TDRP: variants seen among roughly 807,000 people sequenced by gnomAD.
TDRP encodes testis development-related protein.
Under a neutral mutation model 10.5 loss-of-function variants are expected in TDRP, and 12 were observed. The ratio of observed to expected loss-of-function variants is 1.15; its 90% CI spans 0.73 to 1.86. The LOEUF (loss-of-function observed/expected upper bound fraction) is 1.86. Among genes scored for constraint, TDRP ranks in the 40% most tolerant of loss-of-function variants. TDRP has a pLI of 0.00. For missense variants in TDRP, 353 were observed against 229.2 expected (o/e 1.54, Z -3.49); for synonymous variants, 139 against 95.4 (o/e 1.46, Z -2.67).
At chr8:513,753 A>G (rs1264383802) in intron 1 of TDRP, among the ~76,000 whole-genome samples, 2 of 152,204 alleles carry the variant, frequency 1.3e-5, no homozygotes, top group South Asian at 2.1e-4. Context: ...AATATGAAGT[A>G]GTCCACTAAA....
Position 492,473 on chromosome 8 carries a change from C to T in TDRP, c.484G>A (p.Ala162Thr), listed in dbSNP as rs201575717. The change falls in exon 3 of 3, where the codon GCG becomes ACG. Residue 162 changes from alanine to threonine, a missense_variant. By Grantham distance (58) the Ala-to-Thr change is moderately conservative. Coordinates refer to ENST00000324079, the MANE Select transcript of TDRP (RefSeq NM_001384899.1). The stretch of plus-strand genomic sequence containing the variant: ...CGGATGCTCACCAGCCTCCCTGCCG[C>T]GCGCAGGCTCCACCTGGAGCTGTTG... ...SANSSRWSLRAAGRLVSIRRQ... is the reference protein window; with the variant it reads ...SANSSRWSLRTAGRLVSIRRQ... The T allele has an allele frequency of 2.4e-4, 390 of 1,606,244 alleles. No individual in the cohort carries two copies. The highest frequency in any genetic ancestry group is 5.2e-4 in the African/African-American group (39 of 74,900).
At chr8:525,833 G>A (rs924983351) in intron 1 of TDRP, among the ~76,000 whole-genome samples, 8 of 152,162 alleles carry the variant, frequency 5.3e-5, no homozygotes, top group African/African-American at 1.7e-4. Context: ...CAATAACACT[G>A]AATGTAAATG....
rs1303603080 is a variant in TDRP, at chr8:493,990, G to GTTTT, written c.212+503_212+504insAAAA. On this transcript the variant is annotated intron_variant, in intron 2 of 2. Transcript: ENST00000324079. ...TCATCGAACACCACAACTCATTTCT[G>GTTTT]TTGTTTTTTTTTTTTTTTTTTTTGA... Among the ~76,000 whole-genome samples, 18 of 80,024 alleles carry GTTTT rather than the reference G, an allele frequency of 2.2e-4. 1 individual carries two copies. Among genetic ancestry groups the GTTTT allele is most frequent in the African/African-American group, 4.9e-4 (9 of 18,482 alleles). The allele number at this position is 80,024 out of a possible 152,430, so 52.5% of individuals were successfully genotyped here.
intron 1 of TDRP, among the ~76,000 whole-genome samples, chr8:532,019 A>G (rs779045274): frequency 1.3e-4 from 20 of 152,332 alleles, no homozygotes; most frequent in East Asian, 1.9e-4. Flanking sequence ...AACAAAAGAC[A>G]TGGTTTATAT....
At position 490,442 on chromosome 8, in the gene TDRP, C is replaced by G. The variant is rs192706895; in HGVS notation, c.*1957G>C. The stretch of plus-strand genomic sequence containing the variant: ...GGCACTTAGCGTTCCAACAGAGGCA[C>G]GGCAACTGCAGCCATCACAGCCACA... On this transcript the variant is annotated 3_prime_UTR_variant, in exon 3 of 3. Coordinates refer to ENST00000324079, the MANE Select transcript of TDRP (RefSeq NM_001384899.1). The G allele has an allele frequency of 4.6e-5, 7 of 152,204 alleles. No individual in the cohort carries two copies. The highest frequency in any genetic ancestry group is 1.4e-4 in the African/African-American group (6 of 41,440). 9.4% of individuals were successfully genotyped at this position (152,204 alleles called of 1,614,324 possible).
chr8:515,541 T>G (rs1801734665), intron 1 of TDRP, among the ~76,000 whole-genome samples: 1 of 152,192 alleles, frequency 6.6e-6, no homozygotes, highest in Admixed American at 6.5e-5. Context: ...ATGTCAGCAT[T>G]CAAAAAGTTT....
At chr8:499,284 G>C (rs1346255188) in intron 1 of TDRP, among the ~76,000 whole-genome samples, 1 of 152,072 alleles carries the variant, frequency 6.6e-6, no homozygotes, top group Non-Finnish European at 1.5e-5. Context: ...CAGGCTGGTG[G>C]CCTGGCCTAC....
chr8:494,559 A>G lies in TDRP; in HGVS notation c.147T>C (p.Thr49=), dbSNP rs1203799289. The change falls in exon 2 of 3, where the codon ACT becomes ACC. Residue 49 remains threonine, a synonymous_variant. Coordinates refer to ENST00000324079, the MANE Select transcript of TDRP (RefSeq NM_001384899.1). The stretch of plus-strand genomic sequence containing the variant: ...GCTCATCATCTTTGTTAAACAGTGA[A>G]GTCACTTCTTTCCAACCTCGGAAAC... ...GASFRGWKEV[T]SLFNKDDEQH... is the part of the protein sequence containing the mutation. 1 of 1,613,990 alleles carries G rather than the reference A, an allele frequency of 6.2e-7. No homozygotes were observed. The highest frequency in any genetic ancestry group is 1.1e-5 in the South Asian group (1 of 91,076).
chr8:492,589 G>C lies in TDRP; in HGVS notation c.368C>G (p.Pro123Arg), dbSNP rs201312888. 227 of 1,613,854 alleles carry C rather than the reference G, an allele frequency of 1.4e-4. No individual in the cohort carries two copies. The African/African-American group carries it at 2.8e-3, about 20-fold the overall frequency. Residue 123 changes from proline to arginine, a missense_variant, in exon 3 of 3, where the codon CCT becomes CGT. Pro to Arg is a moderately radical substitution (Grantham distance 103). Transcript: ENST00000324079. ...KLALEDISAD[P>R]EDTVGGHPSW... ...TGGGTGGCCACCCACGGTGTCCTCA[G>C]GGTCAGCCGATATGTCTTCAAGAGC...
chr8:501,006 A>T (rs542441629), intron 1 of TDRP, among the ~76,000 whole-genome samples: 1 of 152,138 alleles, frequency 6.6e-6, no homozygotes, highest in African/African-American at 2.4e-5. Flanking sequence ...GGAGATCGAG[A>T]CCATCCTGGC....
chr8:532,845 G>A (rs949190799), intron 1 of TDRP, among the ~76,000 whole-genome samples: 91 of 66,836 alleles, frequency 1.4e-3, no homozygotes, highest in African/African-American at 2.4e-3. Context: ...AGCCACGATC[G>A]TTCATTTACA....
In TDRP at chr8:492,109, T is replaced by C. The variant is rs1430791813; in HGVS notation, c.*290A>G. On this transcript the variant is annotated 3_prime_UTR_variant, in exon 3 of 3. Coordinates refer to ENST00000324079, the MANE Select transcript of TDRP (RefSeq NM_001384899.1). The stretch of plus-strand genomic sequence containing the variant: ...TTTGTGAGAAACTGCAAATCATTAC[T>C]GCTGTATTATGGGAGAGCATCATAA... The C allele has an allele frequency of 4.9e-6, 6 of 1,213,248 alleles. No homozygotes were observed. Among genetic ancestry groups the C allele is most frequent in the Non-Finnish European group, 5.1e-6 (5 of 976,318 alleles). 75.2% of individuals were successfully genotyped at this position (1,213,248 alleles called of 1,614,324 possible). A position where few individuals can be genotyped will look rare whatever the true frequency, so the allele number is the denominator to read the frequency against.
Position 494,599 on chromosome 8 carries a change from T to A in TDRP, c.109-2A>T, listed in dbSNP as rs902542418. 1 of 1,612,896 alleles carries A rather than the reference T, an allele frequency of 6.2e-7. No homozygotes were observed. The highest frequency in any genetic ancestry group is 8.5e-7 in the Non-Finnish European group (1 of 1,179,262). On this transcript the variant is annotated splice_acceptor_variant, in intron 1 of 2. Coordinates refer to ENST00000324079, the MANE Select transcript of TDRP (RefSeq NM_001384899.1). LOFTEE classifies it high-confidence loss of function. ...ACCTCGGAAACTTGCTCCCTGAACCTAATAAAAGGTTAAGAAAAATGTCAA... is the reference window on the plus strand; with the variant it reads ...ACCTCGGAAACTTGCTCCCTGAACCAAATAAAAGGTTAAGAAAAATGTCAA...
At chr8:544,117 T>A (rs1346016459) in intron 1 of TDRP, among the ~76,000 whole-genome samples, 5 of 152,166 alleles carry the variant, frequency 3.3e-5, no homozygotes, top group African/African-American at 1.2e-4. Flanking sequence ...AAAATACTTG[T>A]TATGCAAACA....
chr8:527,300 T>C (rs1174964584), intron 1 of TDRP, among the ~76,000 whole-genome samples: 1 of 152,178 alleles, frequency 6.6e-6, no homozygotes, highest in African/African-American at 2.4e-5. Context: ...TTCATGTTCA[T>C]GGACTGGAAG....
chr8:502,060 G>C (rs1010942029), intron 1 of TDRP, among the ~76,000 whole-genome samples: 1 of 152,192 alleles, frequency 6.6e-6, no homozygotes, highest in Non-Finnish European at 1.5e-5. Flanking sequence ...TCTTGGCATC[G>C]CCATTGGCTA....
chr8:532,050 G>C (rs997946666), intron 1 of TDRP, among the ~76,000 whole-genome samples: 5 of 152,190 alleles, frequency 3.3e-5, no homozygotes, highest in Non-Finnish European at 5.9e-5. Flanking sequence ...CCTAAGTCCA[G>C]GAGAACAGTT....
intron 1 of TDRP, among the ~76,000 whole-genome samples, chr8:519,412 G>C (rs980352669): frequency 3.3e-5 from 5 of 152,170 alleles, no homozygotes; most frequent in Non-Finnish European, 5.9e-5. Context: ...AGTCAGCTGA[G>C]TAGAAGCAAG....
chr8:543,285 C>T (rs1281389877), intron 1 of TDRP, among the ~76,000 whole-genome samples: 1 of 151,968 alleles, frequency 6.6e-6, no homozygotes, highest in Non-Finnish European at 1.5e-5. Flanking sequence ...TGCACTCCAG[C>T]CTAGTAAACG....
Sources: gnomAD v4.1 joint callset for allele counts (sites outside exome capture counted in the v4.1 genomes callset) on GRCh38, gnomAD v4.1.1 for gene constraint, MANE v1.5 for transcripts, NCBI Gene and HGNC (gene_info 2026-07-23, HGNC 2026-07-21) for gene names.